OLAH: variants seen among roughly 807,000 people sequenced by gnomAD.
OLAH encodes oleoyl-ACP hydrolase, also known as S-acyl fatty acid synthase thioesterase, medium chain.
In OLAH, 33 loss-of-function variants were observed where a neutral mutation model predicts 27.8. The ratio of observed to expected loss-of-function variants is 1.19; its 90% CI spans 0.90 to 1.59. The LOEUF is 1.59. OLAH is among the 40% of genes most tolerant of loss of function. The probability of loss-of-function intolerance (pLI) is 0.00; values close to 1 mark genes in which losing one functional copy is unlikely to be tolerated. For synonymous variants in OLAH, 120 were observed against 102.9 expected (o/e 1.17, Z -1.01); for missense variants, 359 against 310.8 (o/e 1.16, Z -1.17).
At chr10:15,051,782 C>G (rs533239260) in intron 3 of OLAH, among the ~76,000 whole-genome samples, 8 of 152,034 alleles carry the variant, frequency 5.3e-5, no homozygotes, top group Non-Finnish European at 1.0e-4. Flanking sequence ...TTTCCCTAAT[C>G]ATGTATTCTT....
intron 3 of OLAH, among the ~76,000 whole-genome samples, chr10:15,058,975 C>G (rs1331764171): frequency 8.5e-6 from 1 of 117,764 alleles, no homozygotes; most frequent in Non-Finnish European, 1.9e-5. Context: ...CTCCCTCCCT[C>G]TCTCCTTCCC....
At chr10:15,067,326 G>A (rs985209255) in intron 6 of OLAH, among the ~76,000 whole-genome samples, 1 of 152,140 alleles carries the variant, frequency 6.6e-6, no homozygotes, top group Non-Finnish European at 1.5e-5. Context: ...TACTCACTGC[G>A]AGATTCTGAG....
intron 3 of OLAH, among the ~76,000 whole-genome samples, chr10:15,058,939 T>TTCCCTCC (rs1844300516): frequency 1.5e-5 from 1 of 67,916 alleles, no homozygotes; most frequent in Admixed American, 1.3e-4. Context: ...TCCTTCCCTC[T>TTCCCTCC]CTCCTTCCCT....
In OLAH at chr10:15,057,120, G is replaced by A. The variant is rs1038735752; in HGVS notation, c.164-4604G>A. The A allele has an allele frequency of 2.6e-6, 3 of 1,138,194 alleles. No individual in the cohort carries two copies. In the African/African-American group the frequency reaches 4.8e-5, roughly 18 times the overall value. The allele number at this position is 1,138,194 out of a possible 1,614,324, so 70.5% of individuals were successfully genotyped here. A position where few individuals can be genotyped will look rare whatever the true frequency, so the allele number is the denominator to read the frequency against. On this transcript the variant is annotated intron_variant, in intron 3 of 7. Transcript: ENST00000378228. ...TCTTTTAAACTTTATGCTTTTTATG[G>A]CTTGCTTTAAAAGCAAGCCTAACCT...
upstream of OLAH, among the ~76,000 whole-genome samples, chr10:15,043,054 GT>G (rs1304264603): frequency 4.6e-5 from 7 of 151,752 alleles, no homozygotes; most frequent in Middle Eastern, 3.2e-3. Context: ...TAGAGATGGG[GT>G]TTCACCATGT....
intron 6 of OLAH, among the ~76,000 whole-genome samples, chr10:15,071,015 C>T (rs1462048837): frequency 6.6e-6 from 1 of 152,000 alleles, no homozygotes; most frequent in Non-Finnish European, 1.5e-5. Flanking sequence ...AACTCCTGGC[C>T]TTAAGTGATC....
intron 7 of OLAH, 81 bp downstream of exon 7, chr10:15,071,958 G>A (rs1844596693): frequency 3.0e-6 from 3 of 1,012,868 alleles, no homozygotes; most frequent in East Asian, 2.4e-5. Flanking sequence ...TTTTGAGACA[G>A]AGTCTCGCCC....
chr10:15,057,092 T>G, intron 3 of OLAH: 10 of 1,223,422 alleles, frequency 8.2e-6, no homozygotes, highest in Non-Finnish European at 9.4e-6. Context: ...AGCTTATTAC[T>G]CTTCTTTTAA....
At chr10:15,042,887 G>A (rs1843945029), upstream of OLAH, among the ~76,000 whole-genome samples, 1 of 128,638 alleles carries the variant, frequency 7.8e-6, no homozygotes, top group South Asian at 2.5e-4. Context: ...AGATGGAGGA[G>A]TCTCGCTCTG....
intron 6 of OLAH, among the ~76,000 whole-genome samples, chr10:15,066,919 C>T (rs1319921942): frequency 2.0e-5 from 3 of 152,108 alleles, no homozygotes; most frequent in Non-Finnish European, 4.4e-5. Flanking sequence ...GGATTATAGG[C>T]GTGAGCCACT....
intron 1 of OLAH, among the ~76,000 whole-genome samples, chr10:15,038,014 C>T (rs1244083665): frequency 2.0e-5 from 3 of 152,244 alleles, no homozygotes; most frequent in African/African-American, 7.2e-5. Context: ...GGAGGCTGCC[C>T]AACACCCTGG....
At chr10:15,040,364 G>A (rs1843902147), upstream of OLAH, among the ~76,000 whole-genome samples, 1 of 152,142 alleles carries the variant, frequency 6.6e-6, no homozygotes. Flanking sequence ...GACACCAGTG[G>A]TGAAAGATAC....
At chr10:15,052,853 C>T (rs1844173321) in intron 3 of OLAH, among the ~76,000 whole-genome samples, 2 of 151,456 alleles carry the variant, frequency 1.3e-5, no homozygotes, top group African/African-American at 4.9e-5. Flanking sequence ...AGTGATCCTC[C>T]TGCCTCAGCC....
chr10:15,064,375 T>C (rs752276642), intron 4 of OLAH, 28 bp from the exon 5 acceptor site: 7 of 1,393,298 alleles, frequency 5.0e-6, no homozygotes, highest in Middle Eastern at 1.8e-4. Context: ...TTAACAGTTC[T>C]TGTCATGTTT....
chr10:15,070,466 T>G (rs947679618), intron 6 of OLAH, among the ~76,000 whole-genome samples: 1 of 152,134 alleles, frequency 6.6e-6, no homozygotes. Context: ...ACAATAGCCT[T>G]TTTTGTTGTT....
chr10:15,047,564 T>C (rs908334103), intron 2 of OLAH, among the ~76,000 whole-genome samples: 4 of 152,046 alleles, frequency 2.6e-5, no homozygotes, highest in Non-Finnish European at 5.9e-5. Context: ...GGTATGGTGG[T>C]GCACCCTCAG....
At position 15,064,412 on chromosome 10, in the gene OLAH, C is replaced by T. The variant is rs759603369; in HGVS notation, c.312C>T (p.Ser104=). ...TCTTTGCTGAATTTAGTATGGGATC[C>T]TACATTGCTTTTAGGACTGCACTAG... ...PFAFFGHSMG[S]YIAFRTALGL... is the part of the protein sequence containing the mutation. Residue 104 remains serine (S), a synonymous_variant, in exon 5 of 8, where the codon TCC becomes TCT. Transcript: ENST00000378228. 2.5e-6 allele frequency: 4 copies of T among 1,591,078 alleles called. No homozygotes were observed. The highest frequency in any genetic ancestry group is 3.4e-6 in the Non-Finnish European group (4 of 1,168,760).
At chr10:15,056,905 C>T in intron 3 of OLAH, 1 of 1,536,188 alleles carries the variant, frequency 6.5e-7, no homozygotes, top group Non-Finnish European at 8.8e-7. Context: ...TACCCATGTG[C>T]TGGCGTGAGC....
upstream of OLAH, among the ~76,000 whole-genome samples, chr10:15,042,922 G>C (rs1020717427): frequency 1.4e-5 from 2 of 141,410 alleles, no homozygotes; most frequent in Non-Finnish European, 1.5e-5. Flanking sequence ...GTGCAGTGGC[G>C]TGATCTCCGC....
Sources: gnomAD v4.1 joint callset for allele counts (sites outside exome capture counted in the v4.1 genomes callset) on GRCh38, gnomAD v4.1.1 for gene constraint, MANE v1.5 for transcripts, NCBI Gene and HGNC (gene_info 2026-07-23, HGNC 2026-07-21) for gene names.